Variants in AUH observed in about 807,000 individuals in gnomAD.
AUH encodes AU RNA binding methylglutaconyl-CoA hydratase, also known as methylglutaconyl-CoA hydratase, mitochondrial.
Under a neutral mutation model 42.3 loss-of-function variants are expected in AUH, and 29 were observed. That is an observed-to-expected ratio of 0.69 (90% CI 0.51 to 0.93). AUH has a LOEUF of 0.93. AUH is among the 40% of genes least tolerant of loss of function. AUH has a pLI of 0.00. For missense variants in AUH, 452 were observed against 438.1 expected (o/e 1.03, Z -0.28); for synonymous variants, 174 against 166.4 (o/e 1.05, Z -0.35).
chr9:91,314,736 C>T (rs570731224), intron 4 of AUH, among the ~76,000 whole-genome samples: 2 of 152,144 alleles, frequency 1.3e-5, no homozygotes, highest in South Asian at 4.2e-4. Flanking sequence ...TTTCTTCTAA[C>T]GGGCTAAAGA....
At chr9:91,272,207 G>C (rs1413486782) in intron 6 of AUH, among the ~76,000 whole-genome samples, 2 of 152,112 alleles carry the variant, frequency 1.3e-5, no homozygotes, top group Non-Finnish European at 2.9e-5. Context: ...AGATTTAATA[G>C]GCCATGTGCT....
chr9:91,318,581 C>T (rs1237539317), intron 4 of AUH, among the ~76,000 whole-genome samples: 1 of 152,194 alleles, frequency 6.6e-6, no homozygotes, highest in Non-Finnish European at 1.5e-5. Context: ...AACCAGGCAC[C>T]TCCAGAATTC....
chr9:91,324,586 T>A (rs1829837392), intron 4 of AUH, among the ~76,000 whole-genome samples: 1 of 140,280 alleles, frequency 7.1e-6, no homozygotes, highest in Non-Finnish European at 1.6e-5. Flanking sequence ...TTTGAAAAGA[T>A]AAAACATCAC....
intron 6 of AUH, among the ~76,000 whole-genome samples, chr9:91,273,220 G>C (rs1825292796): frequency 6.6e-6 from 1 of 152,200 alleles, no homozygotes; most frequent in Non-Finnish European, 1.5e-5. Flanking sequence ...CAAAGCTGCT[G>C]AAACTCAGCA....
intron 6 of AUH, among the ~76,000 whole-genome samples, chr9:91,274,431 A>C (rs1020680057): frequency 2.0e-5 from 3 of 152,214 alleles, no homozygotes; most frequent in Non-Finnish European, 2.9e-5. Context: ...AGGATGTTAT[A>C]AGGTTCTTAT....
In AUH at chr9:91,355,899, T is replaced by C; in HGVS notation, c.402A>G (p.Pro134=). 1.9e-6 allele frequency: 3 copies of C among 1,611,800 alleles called. No homozygotes were observed. Among genetic ancestry groups the C allele is most frequent in the South Asian group, 1.1e-5 (1 of 91,040 alleles). ...TTTACATACCAGCACAGAATATCCC[T>C]GGGACTTCACTCCTGATTATTATGG... is the stretch of plus-strand genomic sequence containing the variant. ...VRTIIIRSEV[P]GIFCAGADLK... is the part of the protein sequence containing the mutation. The change falls in exon 3 of 10, where the codon CCA becomes CCG. Residue 134 remains proline, a synonymous_variant. Transcript: ENST00000375731.
At chr9:91,252,744 A>C (rs1483591400) in intron 6 of AUH, among the ~76,000 whole-genome samples, 1 of 152,264 alleles carries the variant, frequency 6.6e-6, no homozygotes, top group East Asian at 1.9e-4. Context: ...TTTTGACTAC[A>C]TTAGAATAAA....
At chr9:91,272,340 G>A (rs183577500) in intron 6 of AUH, among the ~76,000 whole-genome samples, 1 of 152,196 alleles carries the variant, frequency 6.6e-6, no homozygotes, top group East Asian at 1.9e-4. Flanking sequence ...GTACACTTAA[G>A]GTGCTCTCAT....
At chr9:91,245,841 T>A (rs1342945613) in intron 6 of AUH, among the ~76,000 whole-genome samples, 1 of 151,570 alleles carries the variant, frequency 6.6e-6, no homozygotes, top group Non-Finnish European at 1.5e-5. Flanking sequence ...CTAGAGGGAG[T>A]GCACCTTTGA....
chr9:91,343,534 AGGCAGGC>A (rs1564121035), intron 3 of AUH, among the ~76,000 whole-genome samples: 1 of 152,220 alleles, frequency 6.6e-6, no homozygotes, highest in Non-Finnish European at 1.5e-5. Flanking sequence ...TGGGAGGCTG[AGGCAGGC>A]GGCCTTGAGG....
At chr9:91,242,292 G>A (rs1278032617) in intron 6 of AUH, among the ~76,000 whole-genome samples, 1 of 152,158 alleles carries the variant, frequency 6.6e-6, no homozygotes, top group Non-Finnish European at 1.5e-5. Flanking sequence ...CCTACCATGA[G>A]GACAAAGATT....
intron 7 of AUH, 75 bp from the exon 8 acceptor site, chr9:91,217,402 G>A: frequency 1.3e-6 from 2 of 1,482,448 alleles, no homozygotes; most frequent in Non-Finnish European, 1.9e-6. Context: ...GTAAAATTCA[G>A]AATTCCCACC....
chr9:91,240,174 T>C (rs1828427157), intron 6 of AUH, among the ~76,000 whole-genome samples: 1 of 152,238 alleles, frequency 6.6e-6, no homozygotes, highest in East Asian at 1.9e-4. Flanking sequence ...TGAAGATGTA[T>C]TGTTACCTAC....
chr9:91,286,004 G>A (rs1001439342), intron 6 of AUH, among the ~76,000 whole-genome samples: 1 of 151,762 alleles, frequency 6.6e-6, no homozygotes, highest in Non-Finnish European at 1.5e-5. Context: ...GTTTTGTTAT[G>A]CTTTTTTTTC....
chr9:91,331,650 T>C (rs1830333384), intron 3 of AUH, among the ~76,000 whole-genome samples: 1 of 152,224 alleles, frequency 6.6e-6, no homozygotes, highest in African/African-American at 2.4e-5. Context: ...TGAGAAAACA[T>C]ATATTTTAAA....
At chr9:91,299,905 G>A (rs1827652368) in intron 4 of AUH, among the ~76,000 whole-genome samples, 1 of 152,106 alleles carries the variant, frequency 6.6e-6, no homozygotes, top group Non-Finnish European at 1.5e-5. Context: ...GCCTTGCTAA[G>A]GCCCTCCAGC....
chr9:91,231,941 A>G (rs755092237), intron 6 of AUH, among the ~76,000 whole-genome samples: 7 of 152,238 alleles, frequency 4.6e-5, no homozygotes, highest in Non-Finnish European at 7.3e-5. Context: ...CTTCCACTAA[A>G]AAACAAAGAT....
At chr9:91,310,512 C>G (rs1828620306) in intron 4 of AUH, among the ~76,000 whole-genome samples, 1 of 152,124 alleles carries the variant, frequency 6.6e-6, no homozygotes, top group African/African-American at 2.4e-5. Flanking sequence ...ATGGAAAGTA[C>G]CAGATGGTAG....
rs78861731 is a variant in AUH, at chr9:91,248,668, T to C, written c.656-27676A>G. On this transcript the variant is annotated intron_variant, in intron 6 of 9. Transcript: ENST00000375731. ...TCATATCAAAATGCACTTATATATGTACAGTAAGTCCTCACATAACATTGT... is the reference window on the plus strand; with the variant it reads ...TCATATCAAAATGCACTTATATATGCACAGTAAGTCCTCACATAACATTGT... Among the ~76,000 whole-genome samples, 6 of 152,334 alleles carry C rather than the reference T, an allele frequency of 3.9e-5. No individual in the cohort carries two copies. In the East Asian group the frequency reaches 1.2e-3, roughly 29 times the overall value.
Sources: gnomAD v4.1 joint callset for allele counts (sites outside exome capture counted in the v4.1 genomes callset) on GRCh38, gnomAD v4.1.1 for gene constraint, MANE v1.5 for transcripts, NCBI Gene and HGNC (gene_info 2026-07-23, HGNC 2026-07-21) for gene names.